The following ASZ1 variants were observed in gnomAD, a reference collection of about 807,000 sequenced individuals.
The protein encoded by ASZ1 is ankyrin repeat, SAM and basic leucine zipper domain-containing protein 1.
ASZ1 carries 67 observed loss-of-function variants against 61.8 expected under a neutral mutation model. That is an observed-to-expected ratio of 1.08 (90% CI 0.89 to 1.33). The LOEUF (loss-of-function observed/expected upper bound fraction) is 1.33, where lower values mean the gene tolerates loss of function less well. ASZ1 is among the 40% of genes most tolerant of loss of function. The probability of loss-of-function intolerance (pLI) is 0.00; values close to 1 mark genes in which losing one functional copy is unlikely to be tolerated. For missense variants in ASZ1, 577 were observed against 554.5 expected (o/e 1.04, Z -0.41); for synonymous variants, 193 against 192.7 (o/e 1.00, Z -0.01).
At chr7:117,405,698 A>G (rs1353979569) in intron 4 of ASZ1, among the ~76,000 whole-genome samples, 1 of 152,092 alleles carries the variant, frequency 6.6e-6, no homozygotes, top group Non-Finnish European at 1.5e-5. Flanking sequence ...TGGATTGCCA[A>G]TTGTTGTGTG....
intron 12 of ASZ1, among the ~76,000 whole-genome samples, chr7:117,364,560 T>C (rs985755092): frequency 7.2e-5 from 11 of 152,024 alleles, no homozygotes; most frequent in African/African-American, 2.4e-4. Context: ...CCTTGAAAGA[T>C]AAAAAGAATC....
At chr7:117,403,239 T>C (rs1160412707) in intron 4 of ASZ1, among the ~76,000 whole-genome samples, 1 of 152,186 alleles carries the variant, frequency 6.6e-6, no homozygotes, top group Non-Finnish European at 1.5e-5. Flanking sequence ...AGGGAAGTGA[T>C]ATTTTAATTT....
intron 3 of ASZ1, among the ~76,000 whole-genome samples, chr7:117,420,663 A>C (rs889448365): frequency 6.6e-6 from 1 of 152,206 alleles, no homozygotes; most frequent in African/African-American, 2.4e-5. Context: ...TATCCATTTG[A>C]AAACTCCTGA....
chr7:117,395,948 T>C (rs1462219493), intron 4 of ASZ1, among the ~76,000 whole-genome samples: 2 of 152,106 alleles, frequency 1.3e-5, no homozygotes, highest in East Asian at 1.9e-4. Context: ...CCATAGACAA[T>C]ACATAAACAA....
Position 117,427,452 on chromosome 7 carries a change from C to G in ASZ1, c.9G>C (p.Ala3=). MA[A]SALRGLPVAG... ...CCACTGGCAGGCCTCGCAGCGCGCT[C>G]GCCGCCATGCCAGCCAAGGAAGCTC... Residue 3 remains alanine, a synonymous_variant, in exon 1 of 13, where the codon GCG becomes GCC. Coordinates refer to ENST00000284629, the MANE Select transcript of ASZ1 (RefSeq NM_130768.3). The G allele has an allele frequency of 6.2e-7, 1 of 1,613,778 alleles. No individual in the cohort carries two copies. Among genetic ancestry groups the G allele is most frequent in the Non-Finnish European group, 8.5e-7 (1 of 1,179,886 alleles).
chr7:117,386,687 A>G lies in ASZ1; in HGVS notation c.441-878T>C, dbSNP rs1178179670. Among the ~76,000 whole-genome samples the G allele has an allele frequency of 1.4e-4, 22 of 152,220 alleles. 1 individual carries two copies. The highest frequency in any genetic ancestry group is 1.4e-3 in the Admixed American group (22 of 15,268). ...AGTTCCATGTTTTGATCTTACCAAG[A>G]AAGTTTTTATTGGTTATTCACATTA... On this transcript the variant is annotated intron_variant, in intron 4 of 12. Coordinates refer to ENST00000284629, the MANE Select transcript of ASZ1 (RefSeq NM_130768.3).
intron 4 of ASZ1, among the ~76,000 whole-genome samples, chr7:117,414,849 A>G (rs925020653): frequency 3.3e-5 from 5 of 152,058 alleles, no homozygotes; most frequent in African/African-American, 9.7e-5. Context: ...TCCATGGTGT[A>G]TATGTGCCAC....
chr7:117,406,487 T>G lies in ASZ1; in HGVS notation c.440+13676A>C, dbSNP rs956861671. Reference sequence around the variant, plus strand: ...ATAAATTGTGAGGTTTAAATAGAGATAGATTTCTATAATCCCAGCACTTTG... The same window carrying G: ...ATAAATTGTGAGGTTTAAATAGAGAGAGATTTCTATAATCCCAGCACTTTG... On this transcript the variant is annotated intron_variant, in intron 4 of 12. Transcript: ENST00000284629. Among the ~76,000 whole-genome samples the G allele has an allele frequency of 3.4e-4, 52 of 152,194 alleles. 1 individual carries two copies. Among genetic ancestry groups the G allele is most frequent in the Middle Eastern group, 3.4e-3 (1 of 292 alleles).
intron 1 of ASZ1, 50 bp from the exon 2 acceptor site, chr7:117,426,985 C>T: frequency 6.6e-7 from 1 of 1,513,204 alleles, no homozygotes; most frequent in Non-Finnish European, 8.9e-7. Context: ...ATTTTTGTTT[C>T]CACCTCATCA....
chr7:117,380,952 G>A, intron 9 of ASZ1, 59 bp downstream of exon 9: 2 of 1,409,186 alleles, frequency 1.4e-6, no homozygotes, highest in Non-Finnish European at 2.0e-6. Context: ...AGAAGAAAAG[G>A]ATCCACAATT....
chr7:117,381,145 T>C, intron 8 of ASZ1, 78 bp from the exon 9 acceptor site: 1 of 1,307,968 alleles, frequency 7.6e-7, no homozygotes, highest in Non-Finnish European at 1.1e-6. Flanking sequence ...GTTCATAAGT[T>C]AGTTACTTGC....
intron 3 of ASZ1, 119 bp downstream of exon 3, chr7:117,422,118 T>C (rs1317836577): frequency 4.6e-6 from 5 of 1,076,724 alleles, no homozygotes; most frequent in African/African-American, 3.2e-5. Flanking sequence ...ATTTACATAG[T>C]ATAATGAATA....
chr7:117,422,997 T>C (rs188895673), intron 2 of ASZ1, among the ~76,000 whole-genome samples: 1 of 152,260 alleles, frequency 6.6e-6, no homozygotes, highest in East Asian at 1.9e-4. Flanking sequence ...AGGAAGTTTA[T>C]ACGACAATCA....
At chr7:117,407,428 G>T (rs1796806161) in intron 4 of ASZ1, among the ~76,000 whole-genome samples, 1 of 151,742 alleles carries the variant, frequency 6.6e-6, no homozygotes, top group Non-Finnish European at 1.5e-5. Context: ...AAAAAAATCA[G>T]GACAGTAGTC....
intron 11 of ASZ1, chr7:117,368,118 G>T: frequency 2.1e-6 from 1 of 472,514 alleles, no homozygotes; most frequent in Non-Finnish European, 2.8e-6. Flanking sequence ...GTAGAGACAG[G>T]GTCTCACCAT....
intron 9 of ASZ1, 59 bp from the exon 10 acceptor site, chr7:117,380,106 C>A (rs1409064842): frequency 9.1e-7 from 1 of 1,093,364 alleles, no homozygotes; most frequent in South Asian, 1.4e-5. Flanking sequence ...ATTTAAAACT[C>A]AAAATTGCTA....
At chr7:117,367,798 A>G (rs1795971883) in intron 11 of ASZ1, 1 of 987,254 alleles carries the variant, frequency 1.0e-6, no homozygotes, top group Non-Finnish European at 1.2e-6. Flanking sequence ...TCACTGGAAA[A>G]CAAGTGCATT....
chr7:117,426,749 G>T, intron 2 of ASZ1, 87 bp downstream of exon 2: 1 of 1,186,822 alleles, frequency 8.4e-7, no homozygotes, highest in South Asian at 1.7e-5. Context: ...GTTTCCATTA[G>T]AAAAGCAACA....
At chr7:117,420,332 G>A in intron 3 of ASZ1, 58 bp from the exon 4 acceptor site, 3 of 1,234,952 alleles carry the variant, frequency 2.4e-6, no homozygotes, top group Non-Finnish European at 3.5e-6. Flanking sequence ...TCTATTCGAT[G>A]TCTTTACCAC....
Sources: allele counts gnomAD v4.1 joint callset (sites outside exome capture counted in the v4.1 genomes callset), GRCh38; gene constraint gnomAD v4.1.1; transcripts MANE v1.5; gene names NCBI Gene and HGNC (gene_info 2026-07-23, HGNC 2026-07-21).